Variants in CDH4 observed in about 807,000 individuals in gnomAD.
The protein encoded by CDH4 is cadherin-4.
A neutral mutation model predicts 86.0 loss-of-function variants in CDH4; 33 were observed. That is an observed-to-expected ratio of 0.38 (90% CI 0.29 to 0.51). CDH4 has a LOEUF of 0.51. Among genes scored for constraint, CDH4 ranks in the 20% least tolerant of loss-of-function variants. The pLI is 0.86. For synonymous variants in CDH4, 555 were observed against 549.4 expected, an observed-to-expected ratio of 1.01 and a Z score of -0.14; for missense variants, 1,114 against 1,307.4, an observed-to-expected ratio of 0.85 and a Z score of 2.28.
At chr20:61,470,461 TA>T (rs1161474963) in intron 2 of CDH4, among the ~76,000 whole-genome samples, 1 of 152,192 alleles carries the variant, frequency 6.6e-6, no homozygotes, top group African/African-American at 2.4e-5. Flanking sequence ...TTTTTCCAAG[TA>T]TAAGATCATA....
chr20:61,375,623 G>A (rs1046441646), intron 2 of CDH4, among the ~76,000 whole-genome samples: 4 of 132,480 alleles, frequency 3.0e-5, no homozygotes, highest in Non-Finnish European at 4.7e-5. Flanking sequence ...GTGATGGTAT[G>A]GTTTGTTGAT....
At chr20:61,608,203 T>C (rs1387301847) in intron 2 of CDH4, among the ~76,000 whole-genome samples, 2 of 152,212 alleles carry the variant, frequency 1.3e-5, no homozygotes, top group Non-Finnish European at 2.9e-5. Flanking sequence ...TCATAACGCT[T>C]GATTAACCAG....
intron 3 of CDH4, among the ~76,000 whole-genome samples, chr20:61,767,626 G>A (rs199979728): frequency 2.0e-5 from 3 of 152,180 alleles, no homozygotes; most frequent in Admixed American, 2.0e-4. Context: ...GCTTTGGGCC[G>A]CTCCTGCCCA....
chr20:61,767,860 C>T (rs11700060), intron 3 of CDH4, among the ~76,000 whole-genome samples: 10,492 of 152,288 alleles, frequency 0.069, 456 homozygotes, highest in Non-Finnish European at 0.088. Context: ...CAGGTCTCAT[C>T]CTGTCAAGGA....
intron 4 of CDH4, among the ~76,000 whole-genome samples, chr20:61,812,399 G>A (rs1980486559): frequency 6.6e-6 from 1 of 152,098 alleles, no homozygotes; most frequent in African/African-American, 2.4e-5. Context: ...CCAGAGATGG[G>A]GCAGCTGTGA....
chr20:61,413,835 C>T (rs961073597), intron 2 of CDH4, among the ~76,000 whole-genome samples: 1 of 152,194 alleles, frequency 6.6e-6, no homozygotes, highest in African/African-American at 2.4e-5. Flanking sequence ...CTTAGTAGGG[C>T]CTTTTCAGCA....
chr20:61,637,786 G>A lies in CDH4; in HGVS notation c.170-105777G>A, dbSNP rs1025095409. Among the ~76,000 whole-genome samples the A allele has an allele frequency of 6.6e-5, 10 of 152,100 alleles. No homozygotes were observed. In the East Asian group the frequency reaches 7.7e-4, roughly 12 times the overall value. On this transcript the variant is annotated intron_variant, in intron 2 of 15. Transcript: ENST00000614565. ...CTGTAATCCCAGCACTTTGGGAGGC[G>A]GAGGCGGGCGGATCACCTGAGGTCA...
chr20:61,343,715 G>A (rs1461756030), intron 2 of CDH4, among the ~76,000 whole-genome samples: 1 of 152,168 alleles, frequency 6.6e-6, no homozygotes, highest in Non-Finnish European at 1.5e-5. Context: ...GGCTGAAGAT[G>A]TTAGGTGCTC....
chr20:61,827,506 A>G (rs56197210), intron 4 of CDH4, among the ~76,000 whole-genome samples: 1,738 of 152,316 alleles, frequency 0.011, 29 homozygotes, highest in African/African-American at 0.039. Context: ...GAAATCAATG[A>G]TTTCTACTAC....
In CDH4 at chr20:61,375,299, A is replaced by G. The variant is rs553624257; in HGVS notation, c.169+120362A>G. On this transcript the variant is annotated intron_variant, in intron 2 of 15. Transcript: ENST00000614565. ...GTGCTTGGTAATGTTGGGTGATGGT[A>G]GCAGTGCTGATGGAGGTGATGGTGG... is the stretch of plus-strand genomic sequence containing the variant. Among the ~76,000 whole-genome samples the G allele has an allele frequency of 1.4e-4, 21 of 152,302 alleles. No individual in the cohort carries two copies. In the South Asian group the frequency reaches 4.2e-3, roughly 30 times the overall value.
At chr20:61,723,673 G>A (rs2088070174) in intron 2 of CDH4, among the ~76,000 whole-genome samples, 1 of 152,238 alleles carries the variant, frequency 6.6e-6, no homozygotes, top group Non-Finnish European at 1.5e-5. Flanking sequence ...GGGCAGGGCT[G>A]TGCGGTGCAG....
At chr20:61,759,902 A>G (rs2145968084) in intron 3 of CDH4, among the ~76,000 whole-genome samples, 1 of 152,262 alleles carries the variant, frequency 6.6e-6, no homozygotes, top group African/African-American at 2.4e-5. Context: ...GATTCAGCCC[A>G]AAGTGTTAGG....
At chr20:61,276,429 G>A (rs1214053561) in intron 2 of CDH4, among the ~76,000 whole-genome samples, 1 of 152,216 alleles carries the variant, frequency 6.6e-6, no homozygotes, top group African/African-American at 2.4e-5. Context: ...TTGCTCTATG[G>A]TGGGTGTTTT....
rs188465246 is a variant in CDH4, at chr20:61,483,297, G to A, written c.169+228360G>A. On this transcript the variant is annotated intron_variant, in intron 2 of 15. Coordinates refer to ENST00000614565, the MANE Select transcript of CDH4 (RefSeq NM_001794.5). ...CCAGACATAACTCTCCCCCTTCAAC[G>A]TTCAGCTGGGCCCAGTTTGATCTGT... 9.7e-4 allele frequency among the ~76,000 whole-genome samples: 147 copies of A among 151,868 alleles called. 1 individual carries two copies. The highest frequency in any genetic ancestry group is 3.4e-3 in the African/African-American group (138 of 41,168).
rs6061801 is a variant in CDH4, at chr20:61,756,277, C to T, written c.396+12488C>T. On this transcript the variant is annotated intron_variant, in intron 3 of 15. Transcript: ENST00000614565. ...CAGGGGCTCGGCTTCTCCTTGCCTC[C>T]GATCTGCATTTGTATGCTGGGGGCT... Among the ~76,000 whole-genome samples, 265 of 152,284 alleles carry T rather than the reference C, an allele frequency of 1.7e-3. 3 individuals are homozygous for T. The highest frequency in any genetic ancestry group is 6.0e-3 in the African/African-American group (249 of 41,548).
rs2088824163 is a variant in CDH4 at position 61,775,178 on chromosome 20, G to A, written c.576+1996G>A. Among the ~76,000 whole-genome samples the A allele has an allele frequency of 2.0e-5, 3 of 152,278 alleles. No individual in the cohort carries two copies. In the South Asian group the frequency reaches 6.2e-4, roughly 32 times the overall value. ...TAGTTTGTCAGGCTAAAAGCTGACTGTAGAGAAAAGCATAAGGTGAGAGAA... is the reference window on the plus strand; with the variant it reads ...TAGTTTGTCAGGCTAAAAGCTGACTATAGAGAAAAGCATAAGGTGAGAGAA... On this transcript the variant is annotated intron_variant, in intron 4 of 15. Coordinates refer to ENST00000614565, the MANE Select transcript of CDH4 (RefSeq NM_001794.5).
chr20:61,741,043 T>G (rs1229929919), intron 2 of CDH4, among the ~76,000 whole-genome samples: 1 of 152,180 alleles, frequency 6.6e-6, no homozygotes, highest in Non-Finnish European at 1.5e-5. Context: ...AAACCCTGTC[T>G]ACTAAACATA....
Position 61,735,915 on chromosome 20 carries a change from C to T in CDH4, c.170-7648C>T, listed in dbSNP as rs891191806. On this transcript the variant is annotated intron_variant, in intron 2 of 15. Coordinates refer to ENST00000614565, the MANE Select transcript of CDH4 (RefSeq NM_001794.5). ...ATTGAGGATGTGCTTCTGAAGCCAC[C>T]GCAACAGCCTTCTAACTCAGCTCCC... is the stretch of plus-strand genomic sequence containing the variant. Among the ~76,000 whole-genome samples the T allele has an allele frequency of 4.6e-5, 7 of 152,148 alleles. No individual in the cohort carries two copies. The East Asian group carries it at 5.8e-4, about 13-fold the overall frequency.
At chr20:61,895,936 C>G (rs1985084730) in intron 8 of CDH4, among the ~76,000 whole-genome samples, 1 of 152,160 alleles carries the variant, frequency 6.6e-6, no homozygotes, top group Non-Finnish European at 1.5e-5. Flanking sequence ...GTCGAAGGCA[C>G]CAGGCTGGGA....
Sources: allele counts gnomAD v4.1 joint callset (sites outside exome capture counted in the v4.1 genomes callset), GRCh38; gene constraint gnomAD v4.1.1; transcripts MANE v1.5; gene names NCBI Gene and HGNC (gene_info 2026-07-23, HGNC 2026-07-21).